SLC5A11: variants seen among roughly 807,000 people sequenced by gnomAD.
SLC5A11 encodes the protein solute carrier family 5 member 11.
SLC5A11 carries 48 observed loss-of-function variants against 69.8 expected under a neutral mutation model. That is an observed-to-expected ratio of 0.69 (90% CI 0.55 to 0.87). SLC5A11 has a LOEUF of 0.87. SLC5A11 is among the 40% of genes least tolerant of loss of function. SLC5A11 has a pLI of 0.00. For synonymous variants in SLC5A11, 319 were observed against 342.4 expected (o/e 0.93, Z 0.75); for missense variants, 784 against 866.1 (o/e 0.91, Z 1.19).
chr16:24,877,938 C>T (rs939101517), intron 7 of SLC5A11, among the ~76,000 whole-genome samples: 2 of 151,796 alleles, frequency 1.3e-5, no homozygotes, highest in Non-Finnish European at 2.9e-5. Context: ...GAGCCAAGAT[C>T]GCGCCACTGC....
chr16:24,851,969 TTCTCTCTC>T (rs59768610), intron 1 of SLC5A11, among the ~76,000 whole-genome samples: 5 of 140,064 alleles, frequency 3.6e-5, no homozygotes, highest in African/African-American at 1.4e-4. Context: ...CTTCCCTTGC[TTCTCTCTC>T]TCTCTCTCTC....
chr16:24,869,863 C>G (rs751374970), intron 3 of SLC5A11, 38 bp from the exon 5 acceptor site: 6 of 1,477,444 alleles, frequency 4.1e-6, no homozygotes, highest in Non-Finnish European at 5.7e-6. Context: ...GTACCCTTGA[C>G]TTTGTCTCCA....
chr16:24,878,306 T>C (rs1597128199), intron 7 of SLC5A11, among the ~76,000 whole-genome samples: 3 of 152,244 alleles, frequency 2.0e-5, no homozygotes, highest in African/African-American at 4.8e-5. Flanking sequence ...AATAAACTAC[T>C]GCAATCCTGG....
intron 5 of SLC5A11, among the ~76,000 whole-genome samples, chr16:24,872,587 G>T (rs990871705): frequency 6.6e-6 from 1 of 152,090 alleles, no homozygotes; most frequent in Non-Finnish European, 1.5e-5. Context: ...TTTGTCCCCA[G>T]GATGGAATGC....
intron 7 of SLC5A11, among the ~76,000 whole-genome samples, chr16:24,881,526 G>C (rs957844689): frequency 6.6e-6 from 1 of 152,124 alleles, no homozygotes; most frequent in African/African-American, 2.4e-5. Context: ...GGCCTCAAGT[G>C]ATCCGCCTGC....
At chr16:24,853,530 G>T (rs1405912581) in intron 1 of SLC5A11, among the ~76,000 whole-genome samples, 1 of 152,144 alleles carries the variant, frequency 6.6e-6, no homozygotes, top group Non-Finnish European at 1.5e-5. Flanking sequence ...CACACAGCTG[G>T]TGCCTAATAA....
At position 24,872,575 on chromosome 16, in the gene SLC5A11, G is replaced by A. The variant is rs573796867; in HGVS notation, c.372+356G>A. Among the ~76,000 whole-genome samples, 26 of 152,178 alleles carry A rather than the reference G, an allele frequency of 1.7e-4. No individual in the cohort carries two copies. In the South Asian group the frequency reaches 5.4e-3, roughly 32 times the overall value. ...CTATATTTTTTTGAGACAGGGTCTG[G>A]CTTTGTCCCCAGGATGGAATGCAGT... On this transcript the variant is annotated intron_variant, in intron 5 of 15. Transcript: ENST00000347898.
chr16:24,887,841 T>C (rs762978990), intron 8 of SLC5A11, among the ~76,000 whole-genome samples: 11 of 152,086 alleles, frequency 7.2e-5, no homozygotes, highest in Non-Finnish European at 1.3e-4. Flanking sequence ...AAACAAAGTA[T>C]AACATAAGGC....
intron 1 of SLC5A11, among the ~76,000 whole-genome samples, chr16:24,849,585 A>ATATAT (rs1567552495): frequency 5.8e-5 from 5 of 86,936 alleles, no homozygotes; most frequent in Non-Finnish European, 7.7e-5. Flanking sequence ...AAAAAAAAAA[A>ATATAT]AAAAAAAAAT....
intron 8 of SLC5A11, among the ~76,000 whole-genome samples, chr16:24,886,036 CTTT>C (rs35828435): frequency 8.6e-5 from 12 of 139,010 alleles, no homozygotes; most frequent in Admixed American, 2.2e-4. Context: ...AATAGGAGTT[CTTT>C]TTTTTTTTTT....
At chr16:24,894,927 G>A (rs2049047481) in intron 9 of SLC5A11, among the ~76,000 whole-genome samples, 2 of 152,038 alleles carry the variant, frequency 1.3e-5, no homozygotes, top group African/African-American at 2.4e-5. Context: ...TGAAACCAGT[G>A]GGTAACATAG....
intron 8 of SLC5A11, 64 bp from the exon 10 acceptor site, chr16:24,890,805 T>C: frequency 6.7e-7 from 1 of 1,497,432 alleles, no homozygotes; most frequent in Non-Finnish European, 9.3e-7. Context: ...TCTCCAGCCA[T>C]CTCCTCATCA....
chr16:24,906,629 C>T (rs368120492), intron 10 of SLC5A11, 28 bp from the exon 12 acceptor site: 2 of 1,528,364 alleles, frequency 1.3e-6, no homozygotes, highest in Non-Finnish European at 1.8e-6. Context: ...CCTGACTGCT[C>T]ACCTCTGGGC....
At chr16:24,871,297 G>T (rs1289576421) in intron 4 of SLC5A11, among the ~76,000 whole-genome samples, 1 of 152,022 alleles carries the variant, frequency 6.6e-6, no homozygotes, top group Non-Finnish European at 1.5e-5. Context: ...TTGAGACAGG[G>T]TCTCGCTCTG....
At chr16:24,848,318 A>G (rs1198432473) in intron 1 of SLC5A11, among the ~76,000 whole-genome samples, 2 of 152,062 alleles carry the variant, frequency 1.3e-5, no homozygotes, top group African/African-American at 4.8e-5. Context: ...GCGGATTAAA[A>G]GGAAGCAAGG....
At chr16:24,860,895 G>A (rs1381467600) in intron 2 of SLC5A11, among the ~76,000 whole-genome samples, 1 of 151,992 alleles carries the variant, frequency 6.6e-6, no homozygotes, top group East Asian at 1.9e-4. Flanking sequence ...TTTTAGTAGA[G>A]ATGGGGTTTC....
chr16:24,908,778 C>A, intron 13 of SLC5A11, 103 bp from the exon 15 acceptor site: 1 of 1,014,654 alleles, frequency 9.9e-7, no homozygotes, highest in Non-Finnish European at 1.4e-6. Flanking sequence ...CCCGTGCTTG[C>A]AGTGACCACC....
chr16:24,905,331 C>T (rs2049952214), intron 10 of SLC5A11, among the ~76,000 whole-genome samples: 1 of 144,654 alleles, frequency 6.9e-6, no homozygotes, highest in South Asian at 2.2e-4. Context: ...ATACCAGCTA[C>T]AGGCTAGGAG....
At chr16:24,878,606 G>T (rs2047840734) in intron 7 of SLC5A11, among the ~76,000 whole-genome samples, 1 of 152,154 alleles carries the variant, frequency 6.6e-6, no homozygotes, top group South Asian at 2.1e-4. Context: ...ACACAGGTAT[G>T]TGTATATGGA....
Sources: gnomAD v4.1 joint callset for allele counts (sites outside exome capture counted in the v4.1 genomes callset) on GRCh38, gnomAD v4.1.1 for gene constraint, MANE v1.5 for transcripts, NCBI Gene and HGNC (gene_info 2026-07-23, HGNC 2026-07-21) for gene names.